Variants in SIGLEC1 observed in about 807,000 individuals in gnomAD.
SIGLEC1 encodes sialic acid binding Ig like lectin 1.
In SIGLEC1, 132 loss-of-function variants were observed where a neutral mutation model predicts 148.0. The ratio of observed to expected loss-of-function variants is 0.89; its 90% CI spans 0.77 to 1.03. SIGLEC1 has a LOEUF of 1.03. SIGLEC1 is among the 50% of genes least tolerant of loss of function. SIGLEC1 has a pLI of 0.00. For synonymous variants in SIGLEC1, 945 were observed against 969.0 expected (o/e 0.98, Z 0.46); for missense variants, 2,253 against 2,271.4 (o/e 0.99, Z 0.16).
rs1447809279 is a variant in SIGLEC1, at chr20:3,701,535, C to T, written c.1335G>A (p.Leu445=). Residue 445 remains leucine, a synonymous_variant, in exon 7 of 22, where the codon CTG becomes CTA. Transcript: ENST00000344754. ...AGGCCAGGATATGACCCCCATGTGA[C>T]AGCACCAGTGTGGCCAGGGGCTCAC... The part of the protein sequence containing the change: ...VVSEPLATLV[L]SHGGHILAST... 1 of 1,613,890 alleles carries T rather than the reference C, an allele frequency of 6.2e-7. No homozygotes were observed. The highest frequency in any genetic ancestry group is 1.1e-5 in the South Asian group (1 of 91,070).
intron 5 of SIGLEC1, 109 bp from the exon 6 acceptor site, chr20:3,703,560 A>T: frequency 7.4e-7 from 1 of 1,356,946 alleles, no homozygotes; most frequent in Non-Finnish European, 9.9e-7. Context: ...CACATCCTAC[A>T]CCACCCGCCT....
In SIGLEC1 at chr20:3,697,916, G is replaced by C; in HGVS notation, c.2004C>G (p.Ala668=). The stretch of plus-strand genomic sequence containing the variant: ...GAATCTCCACACGCAGCAAGTTGGG[G>C]GCTTTGGTGACCTTCATGCGTGGGG... ...GCSPRMKVTK[A]PNLLRVEIHN... is the part of the protein sequence containing the mutation. Residue 668 remains alanine, a synonymous_variant, in exon 9 of 22, where the codon GCC becomes GCG. Transcript: ENST00000344754. 6.2e-7 allele frequency: 1 copy of C among 1,613,076 alleles called. No homozygotes were observed.
chr20:3,692,770 C>T lies in SIGLEC1; in HGVS notation c.3781G>A (p.Val1261Met), dbSNP rs755496860. The change falls in exon 16 of 22, where the codon GTG (valine) becomes ATG (methionine). Residue 1261 changes from valine (V) to methionine (M), a missense_variant and splice_region_variant. Transcript: ENST00000344754. ...NTSLELRLEG[V>M]RVILAPEAAV... is the part of the protein sequence containing the mutation. ...GCCTCCGGAGCCAGGATCACCCGCACACCTGTGCCAAGGAGGCCAGGATCA... is the reference window on the plus strand; with the variant it reads ...GCCTCCGGAGCCAGGATCACCCGCATACCTGTGCCAAGGAGGCCAGGATCA... The T allele has an allele frequency of 1.2e-6, 2 of 1,608,464 alleles. No individual in the cohort carries two copies. The highest frequency in any genetic ancestry group is 2.7e-5 in the African/African-American group (2 of 75,006).
At chr20:3,702,114 T>C (rs615355) in intron 6 of SIGLEC1, among the ~76,000 whole-genome samples, 78,030 of 151,648 alleles carry the variant, frequency 0.51, 20,924 homozygotes, top group South Asian at 0.6. Context: ...CAAGTTTCAA[T>C]GTCAAGAATG....
At chr20:3,688,680 C>T in intron 21 of SIGLEC1, 61 bp from the exon 22 acceptor site, 1 of 1,357,274 alleles carries the variant, frequency 7.4e-7, no homozygotes, top group Non-Finnish European at 1.0e-6. Context: ...GGCCCCCAGG[C>T]CCCCAGCCTC....
chr20:3,697,377 C>T (rs982301850), intron 9 of SIGLEC1, 35 bp from the exon 10 acceptor site: 2 of 1,609,036 alleles, frequency 1.2e-6, no homozygotes, highest in Non-Finnish European at 1.7e-6. Flanking sequence ...CTGACCACCC[C>T]CGGCCCCCAG....
rs755969002 is a variant in SIGLEC1 at position 3,692,606 on chromosome 20, C to T, written c.3945G>A (p.Thr1315=). 14 of 1,612,636 alleles carry T rather than the reference C, an allele frequency of 8.7e-6. No individual in the cohort carries two copies. The highest frequency in any genetic ancestry group is 1.2e-5 in the Non-Finnish European group (14 of 1,180,014). Residue 1315 remains threonine, a synonymous_variant, in exon 16 of 22, where the codon ACG becomes ACA. Coordinates refer to ENST00000344754, the MANE Select transcript of SIGLEC1 (RefSeq NM_023068.4). ...PAASLSFLVA[T]RAHAGAYSCQ... ...AAGAGTAGGCGCCTGCATGAGCCCG[C>T]GTGGCCACCAGGAATGAGAGTGAGG... is the stretch of plus-strand genomic sequence containing the variant.
Position 3,694,647 on chromosome 20 carries a change from G to A in SIGLEC1, c.2944+16C>T. 1 of 1,604,640 alleles carries A rather than the reference G, an allele frequency of 6.2e-7. No homozygotes were observed. The highest frequency in any genetic ancestry group is 8.5e-7 in the Non-Finnish European group (1 of 1,174,272). On this transcript the variant is annotated intron_variant, in intron 12 of 21. Transcript: ENST00000344754. ...GCATTCCTTCCCCCACACCTGGATG[G>A]GACAAAAGTCCTTACAGGACACGTG...
In SIGLEC1 at chr20:3,704,091, T is replaced by A. The variant is rs1400206068; in HGVS notation, c.707A>T (p.Tyr236Phe). 1 of 1,610,532 alleles carries A rather than the reference T, an allele frequency of 6.2e-7. No individual in the cohort carries two copies. The highest frequency in any genetic ancestry group is 8.5e-7 in the Non-Finnish European group (1 of 1,178,458). ...AQSEIHLQVK[Y>F]APKGVKILLS... ...GAGGATCTTCACACCCTTGGGGGCA[T>A]CTGCAAGTCACAGTAGGGGGTATTG... Residue 236 changes from tyrosine to phenylalanine, a missense_variant and splice_region_variant, in exon 5 of 22, where the codon TAT becomes TTT. Coordinates refer to ENST00000344754, the MANE Select transcript of SIGLEC1 (RefSeq NM_023068.4).
At chr20:3,697,737 A>G (rs1458658817) in intron 9 of SIGLEC1, 61 bp downstream of exon 9, 1 of 1,513,790 alleles carries the variant, frequency 6.6e-7, no homozygotes, top group African/African-American at 1.4e-5. Context: ...TCCTCCTCGG[A>G]GCAGAACAGT....
In SIGLEC1 at chr20:3,697,234, C is replaced by A; in HGVS notation, c.2231G>T (p.Trp744Leu). ...EAAGSPANFS[W>L]FRNGVLWAQG... ...GGCCCACAGCACCCCATTTCGGAAC[C>A]AGGAGAAGTTAGCAGGGCTGCCAGC... is the stretch of plus-strand genomic sequence containing the variant. Residue 744 changes from tryptophan to leucine, a missense_variant, in exon 10 of 22, where the codon TGG becomes TTG. Coordinates refer to ENST00000344754, the MANE Select transcript of SIGLEC1 (RefSeq NM_023068.4). 5 of 1,613,976 alleles carry A rather than the reference C, an allele frequency of 3.1e-6. No homozygotes were observed. Among genetic ancestry groups the A allele is most frequent in the Non-Finnish European group, 4.2e-6 (5 of 1,180,040 alleles).
intron 21 of SIGLEC1, 74 bp from the exon 22 acceptor site, chr20:3,688,693 G>T (rs2088724011): frequency 2.5e-6 from 3 of 1,212,280 alleles, no homozygotes; most frequent in African/African-American, 3.1e-5. Flanking sequence ...CCAGCCTCAG[G>T]TGGGGTCCCA....
Position 3,692,959 on chromosome 20 carries a change from C to T in SIGLEC1, c.3681G>A (p.Glu1227=). ...AASVPNTLRL[E]LRGPQPRDEG... The stretch of plus-strand genomic sequence containing the variant: ...CATCCCTGGGCTGTGGCCCTCGCAG[C>T]TCCAGGCGCAGGGTGTTGGGGACAG... Residue 1227 remains glutamate (E), a synonymous_variant, in exon 15 of 22, where the codon GAG becomes GAA. Coordinates refer to ENST00000344754, the MANE Select transcript of SIGLEC1 (RefSeq NM_023068.4). The T allele has an allele frequency of 1.2e-6, 2 of 1,612,686 alleles. No homozygotes were observed. The highest frequency in any genetic ancestry group is 1.7e-6 in the Non-Finnish European group (2 of 1,179,910).
Position 3,697,145 on chromosome 20 carries a change from A to G in SIGLEC1, c.2320T>C (p.Cys774Arg). ...GCACCAGCCTCAGTCAGGATGCGGCAGGCGTAAAGGGCAGCATCAGTTCTG... is the reference window on the plus strand; with the variant it reads ...GCACCAGCCTCAGTCAGGATGCGGCGGGCGTAAAGGGCAGCATCAGTTCTG... ...VARTDAALYA[C>R]RILTEAGAQL... Residue 774 changes from cysteine to arginine, a missense_variant, in exon 10 of 22, where the codon TGC becomes CGC. By Grantham distance (180) the Cys-to-Arg change is radical. Coordinates refer to ENST00000344754, the MANE Select transcript of SIGLEC1 (RefSeq NM_023068.4). The G allele has an allele frequency of 6.2e-7, 1 of 1,613,702 alleles. No homozygotes were observed. Among genetic ancestry groups the G allele is most frequent in the East Asian group, 2.2e-5 (1 of 44,874 alleles).
At chr20:3,695,116 C>A (rs572454574) in intron 11 of SIGLEC1, among the ~76,000 whole-genome samples, 193 bp from the exon 12 acceptor site, 196 of 152,308 alleles carry the variant, frequency 1.3e-3, no homozygotes, top group African/African-American at 3.6e-3. Flanking sequence ...TGCACAGGCT[C>A]CATCCTGGCA....
In SIGLEC1 at chr20:3,696,860, G is replaced by C. The variant is rs1423775372; in HGVS notation, c.2409C>G (p.Ala803=). ...LYPPDRPKLS[A]LLDMGQGHMA... ...TGTGGCCCTGGCCCATGTCTAGGAG[G>C]GCTGACAGCTTTGGACGGTCCGGGG... Residue 803 remains alanine (A), a synonymous_variant, in exon 11 of 22, where the codon GCC becomes GCG. Transcript: ENST00000344754. The C allele has an allele frequency of 3.1e-5, 48 of 1,569,588 alleles. No homozygotes were observed. Among genetic ancestry groups the C allele is most frequent in the Non-Finnish European group, 3.8e-5 (44 of 1,157,902 alleles).
Position 3,706,708 on chromosome 20 carries a change from TG to T in SIGLEC1, c.50-3del. ...TGGAGACGCCCCATGAGGCCTGGCC[TG>T]GGGGAAGAACGGCAGGGGGACAGAG... is the stretch of plus-strand genomic sequence containing the variant. On this transcript the variant is annotated splice_polypyrimidine_tract_variant and splice_region_variant and intron_variant, in intron 2 of 21. Coordinates refer to ENST00000344754, the MANE Select transcript of SIGLEC1 (RefSeq NM_023068.4). 6.5e-7 allele frequency: 1 copy of T among 1,535,560 alleles called. No individual in the cohort carries two copies.
chr20:3,692,353 C>A, intron 16 of SIGLEC1, 151 bp from the exon 17 acceptor site: 3 of 1,171,012 alleles, frequency 2.6e-6, no homozygotes. Context: ...GGGCAGAGTG[C>A]TCCAGGCAGG....
chr20:3,691,575 G>C lies in SIGLEC1; in HGVS notation c.4356C>G (p.Gly1452=), dbSNP rs2088763408. ...GGGCAGCGCCCTCAGGCACGTCCAG[G>C]CCAGGCTCTGCCACCACGCGTGCAC... ...VEGARVVAEP[G]LDVPEGAALN... The change falls in exon 18 of 22, where the codon GGC becomes GGG. Residue 1452 remains glycine (G), a synonymous_variant. Transcript: ENST00000344754. The C allele has an allele frequency of 3.1e-6, 5 of 1,612,586 alleles. No individual in the cohort carries two copies. Among genetic ancestry groups the C allele is most frequent in the Non-Finnish European group, 3.4e-6 (4 of 1,179,796 alleles).
Sources: allele counts gnomAD v4.1 joint callset (sites outside exome capture counted in the v4.1 genomes callset), GRCh38; gene constraint gnomAD v4.1.1; transcripts MANE v1.5; gene names NCBI Gene and HGNC (gene_info 2026-07-23, HGNC 2026-07-21).